Variants in FGD4 observed in about 807,000 individuals in gnomAD.
FGD4 encodes the protein FYVE, RhoGEF and PH domain-containing protein 4.
A neutral mutation model predicts 102.0 loss-of-function variants in FGD4; 42 were observed. That is an observed-to-expected ratio of 0.41 (90% CI 0.32 to 0.53). The LOEUF (loss-of-function observed/expected upper bound fraction) is 0.53. Among genes scored for constraint, FGD4 ranks in the 20% least tolerant of loss-of-function variants. The probability of loss-of-function intolerance (pLI) is 0.21; values close to 1 mark genes in which losing one functional copy is unlikely to be tolerated. For synonymous variants in FGD4, 380 were observed against 375.7 expected, an observed-to-expected ratio of 1.01 and a Z score of -0.13; for missense variants, 902 against 1,078.2, an observed-to-expected ratio of 0.84 and a Z score of 2.29.
chr12:32,478,702 T>G (rs1328917464), intron 1 of FGD4, among the ~76,000 whole-genome samples: 1 of 152,260 alleles, frequency 6.6e-6, no homozygotes, highest in East Asian at 1.9e-4. Flanking sequence ...TGATTGACTT[T>G]GTGCTTCCTC....
At chr12:32,584,344 C>T (rs1046753066) in intron 4 of FGD4, among the ~76,000 whole-genome samples, 13 of 152,164 alleles carry the variant, frequency 8.5e-5, no homozygotes, top group Non-Finnish European at 2.9e-5. Context: ...TGCAAACATA[C>T]ATCTCAGTAG....
At position 32,570,421 on chromosome 12, in the gene FGD4, G is replaced by GTTTA. The variant is rs1053728166; in HGVS notation, c.320-5828_320-5825dup. Among the ~76,000 whole-genome samples the GTTTA allele has an allele frequency of 7.9e-5, 12 of 151,566 alleles. No individual in the cohort carries two copies. In the Middle Eastern group the frequency reaches 0.017, roughly 215 times the overall value. ...GTCTTTTAGTTAATAGTGCATAGGAGTTTATTTATTTATTTATTTACTTAT... is the reference window on the plus strand; with the variant it reads ...GTCTTTTAGTTAATAGTGCATAGGAGTTTATTTATTTATTTATTTATTTACTTAT... On this transcript the variant is annotated intron_variant, in intron 2 of 16. Transcript: ENST00000534526.
chr12:32,496,034 A>G (rs1937796609), intron 1 of FGD4, among the ~76,000 whole-genome samples: 2 of 152,324 alleles, frequency 1.3e-5, no homozygotes, highest in African/African-American at 4.8e-5. Context: ...GATTGATTTT[A>G]AAAGATCAGA....
At chr12:32,637,688 A>G (rs1950923840) in intron 15 of FGD4, 1 of 152,342 alleles carries the variant, frequency 6.6e-6, no homozygotes, top group Non-Finnish European at 1.5e-5. Flanking sequence ...ACGTACAATC[A>G]TGGCAGAAGG....
chr12:32,625,183 G>C, intron 13 of FGD4, 115 bp downstream of exon 13: 1 of 827,726 alleles, frequency 1.2e-6, no homozygotes, highest in Non-Finnish European at 2.0e-6. Flanking sequence ...GAACTGGCTG[G>C]TTAGACAGAA....
At chr12:32,475,091 A>G (rs779515076) in intron 1 of FGD4, among the ~76,000 whole-genome samples, 4 of 152,182 alleles carry the variant, frequency 2.6e-5, no homozygotes, top group African/African-American at 7.2e-5. Flanking sequence ...AGCTCGATCT[A>G]TATCCTTGTT....
intron 14 of FGD4, among the ~76,000 whole-genome samples, chr12:32,626,192 C>T (rs1040208253): frequency 1.1e-4 from 16 of 152,188 alleles, no homozygotes; most frequent in Admixed American, 1.0e-3. Flanking sequence ...CGCCTATAAT[C>T]CCAGCACTTT....
chr12:32,491,144 A>AC (rs1565773863), intron 1 of FGD4, among the ~76,000 whole-genome samples: 3 of 150,844 alleles, frequency 2.0e-5, no homozygotes, highest in African/African-American at 7.3e-5. Context: ...AAAAAAAAAA[A>AC]AAAAAACAAA....
At chr12:32,545,053 G>A (rs1009962358) in intron 1 of FGD4, among the ~76,000 whole-genome samples, 1 of 152,206 alleles carries the variant, frequency 6.6e-6, no homozygotes, top group African/African-American at 2.4e-5. Flanking sequence ...GAGAGCTACT[G>A]ACCTTGAGAA....
Position 32,576,318 on chromosome 12 carries a change from A to G in FGD4, c.372A>G (p.Gln124=), listed in dbSNP as rs755013368. The G allele has an allele frequency of 1.2e-6, 2 of 1,613,758 alleles. No homozygotes were observed. The highest frequency in any genetic ancestry group is 1.7e-6 in the Non-Finnish European group (2 of 1,179,818). Residue 124 remains glutamine (Q), a synonymous_variant, in exon 3 of 17, where the codon CAA becomes CAG. Transcript: ENST00000534526. The part of the protein sequence containing the change: ...LQNSPSSNIH[Q]TPRHKALPSA... ...ATTCACCTTCGTCCAATATACACCA[A>G]ACCCCCAGGCATAAAGCTTTACCTA...
At chr12:32,599,415 A>C in intron 5 of FGD4, among the ~76,000 whole-genome samples, 3 of 122,276 alleles carry the variant, frequency 2.5e-5, no homozygotes, top group African/African-American at 3.6e-5. Context: ...AATGGCGTGA[A>C]CCCGGGAGGC....
At chr12:32,455,531 G>T (rs1591935608) in intron 1 of FGD4, among the ~76,000 whole-genome samples, 1 of 151,988 alleles carries the variant, frequency 6.6e-6, no homozygotes, top group Non-Finnish European at 1.5e-5. Context: ...TCCCTAATCA[G>T]TTCAGTATTT....
At chr12:32,566,718 T>A (rs1327076204) in intron 2 of FGD4, among the ~76,000 whole-genome samples, 6 of 152,146 alleles carry the variant, frequency 3.9e-5, no homozygotes, top group Non-Finnish European at 8.8e-5. Flanking sequence ...GAAGCTGATT[T>A]TAATTTCTCC....
chr12:32,515,428 C>T (rs1005651659), intron 1 of FGD4, among the ~76,000 whole-genome samples: 4 of 152,206 alleles, frequency 2.6e-5, no homozygotes, highest in Admixed American at 1.3e-4. Flanking sequence ...CTAGATAAAG[C>T]ACCTAATGGA....
intron 1 of FGD4, among the ~76,000 whole-genome samples, chr12:32,559,388 A>G (rs995927892): frequency 1.3e-5 from 2 of 152,216 alleles, no homozygotes; most frequent in Non-Finnish European, 2.9e-5. Context: ...TAGTATTTTT[A>G]GCCTTGCAGC....
intron 15 of FGD4, among the ~76,000 whole-genome samples, chr12:32,634,143 A>AGG (rs1351930530): frequency 6.6e-6 from 1 of 152,184 alleles, no homozygotes; most frequent in Non-Finnish European, 1.5e-5. Flanking sequence ...TGCATAGAAA[A>AGG]GGGGGGCTGC....
chr12:32,602,994 T>C (rs1207179535), intron 7 of FGD4, among the ~76,000 whole-genome samples: 2 of 152,228 alleles, frequency 1.3e-5, no homozygotes, highest in Non-Finnish European at 2.9e-5. Flanking sequence ...TTTAGGATTA[T>C]AGTATGCATC....
At chr12:32,425,451 T>C (rs965624389) in intron 1 of FGD4, among the ~76,000 whole-genome samples, 2 of 152,246 alleles carry the variant, frequency 1.3e-5, no homozygotes, top group African/African-American at 4.8e-5. Flanking sequence ...TCAGTACCAG[T>C]ACCATGCTGT....
intron 1 of FGD4, among the ~76,000 whole-genome samples, chr12:32,485,537 T>G (rs1177375853): frequency 1.3e-5 from 2 of 148,528 alleles, no homozygotes; most frequent in African/African-American, 5.0e-5. Context: ...GCCTCCCAGG[T>G]TCACGCTATT....
Sources: allele counts gnomAD v4.1 joint callset (sites outside exome capture counted in the v4.1 genomes callset), GRCh38; gene constraint gnomAD v4.1.1; transcripts MANE v1.5; gene names NCBI Gene and HGNC (gene_info 2026-07-23, HGNC 2026-07-21).